The following DNER variants were observed in gnomAD, a reference collection of about 807,000 sequenced individuals.
DNER encodes the protein delta and Notch-like epidermal growth factor-related receptor.
A neutral mutation model predicts 78.2 loss-of-function variants in DNER; 33 were observed. The observed-to-expected ratio is 0.42, with a 90% CI of 0.32 to 0.56. DNER has a LOEUF of 0.56. Among genes scored for constraint, DNER ranks in the 20% least tolerant of loss-of-function variants. The probability of loss-of-function intolerance (pLI) is 0.11; values close to 1 mark genes in which losing one functional copy is unlikely to be tolerated. For missense variants in DNER, 918 were observed against 975.3 expected, an observed-to-expected ratio of 0.94 and a Z score of 0.78; for synonymous variants, 417 against 384.8, an observed-to-expected ratio of 1.08 and a Z score of -0.98.
At chr2:229,398,752 T>C (rs1693203156) in intron 10 of DNER, among the ~76,000 whole-genome samples, 1 of 152,084 alleles carries the variant, frequency 6.6e-6, no homozygotes, top group Non-Finnish European at 1.5e-5. Flanking sequence ...TTATACACTA[T>C]GACCAGGTGG....
intron 7 of DNER, among the ~76,000 whole-genome samples, chr2:229,469,717 C>T (rs1391001134): frequency 2.0e-5 from 3 of 152,100 alleles, no homozygotes; most frequent in East Asian, 1.9e-4. Flanking sequence ...CCAAGGCAGG[C>T]GGATCACCTG....
At chr2:229,480,974 G>A (rs778410672) in intron 6 of DNER, among the ~76,000 whole-genome samples, 26 of 152,216 alleles carry the variant, frequency 1.7e-4, no homozygotes, top group Non-Finnish European at 3.8e-4. Context: ...GAGGAGCATG[G>A]ACTGGGGTGT....
chr2:229,428,074 CAAAA>C (rs11358575), intron 8 of DNER, among the ~76,000 whole-genome samples: 3 of 93,190 alleles, frequency 3.2e-5, no homozygotes, highest in Admixed American at 1.1e-4. Context: ...GATTCCATCT[CAAAA>C]AAAAAAAAAA....
rs183972324 is a variant in DNER at position 229,524,641 on chromosome 2, C to T, written c.994-11705G>A. The stretch of plus-strand genomic sequence containing the variant: ...GGGGTAAGATCCCCAAACCCCATCC[C>T]CCAGTCTCTTTTTTTCCATTAAGAT... On this transcript the variant is annotated intron_variant, in intron 5 of 12. Coordinates refer to ENST00000341772, the MANE Select transcript of DNER (RefSeq NM_139072.4). 3.7e-4 allele frequency among the ~76,000 whole-genome samples: 56 copies of T among 152,260 alleles called. No homozygotes were observed. In the East Asian group the frequency reaches 8.9e-3, roughly 24 times the overall value.
chr2:229,407,443 G>A (rs1031193631), intron 9 of DNER, 98 bp from the exon 10 acceptor site: 7 of 1,035,688 alleles, frequency 6.8e-6, no homozygotes, highest in African/African-American at 1.6e-5. Flanking sequence ...CAATGCGAGG[G>A]AGATTCCCAG....
At chr2:229,388,184 G>A (rs112272021) in intron 11 of DNER, 81 bp downstream of exon 11, 26 of 1,505,808 alleles carry the variant, frequency 1.7e-5, no homozygotes, top group Middle Eastern at 1.8e-4. Context: ...GGTCACAGTC[G>A]GCATCTTCTT....
chr2:229,366,461 A>C (rs549129290), intron 12 of DNER, among the ~76,000 whole-genome samples: 102 of 152,358 alleles, frequency 6.7e-4, no homozygotes, highest in African/African-American at 2.4e-3. Context: ...AAAAGTAGAA[A>C]GATAGCTCTT....
intron 1 of DNER, among the ~76,000 whole-genome samples, chr2:229,710,392 C>G (rs1374756932): frequency 6.6e-6 from 1 of 152,224 alleles, no homozygotes; most frequent in Non-Finnish European, 1.5e-5. Context: ...GGCTCAAATT[C>G]CAGTTCCAGT....
chr2:229,507,518 C>G (rs1695770265), intron 6 of DNER, among the ~76,000 whole-genome samples: 1 of 152,142 alleles, frequency 6.6e-6, no homozygotes, highest in African/African-American at 2.4e-5. Flanking sequence ...AATTTCAAAT[C>G]AATGGTTTAA....
chr2:229,588,571 A>AC, intron 2 of DNER, 83 bp from the exon 3 acceptor site: 1 of 1,213,578 alleles, frequency 8.2e-7, no homozygotes, highest in Non-Finnish European at 1.2e-6. Context: ...TCCATGCTGA[A>AC]TTTCCTTCAT....
chr2:229,472,444 A>G (rs926061443), intron 7 of DNER, among the ~76,000 whole-genome samples: 1 of 152,172 alleles, frequency 6.6e-6, no homozygotes, highest in Non-Finnish European at 1.5e-5. Context: ...TGGGTATTCT[A>G]CTTCAAATTC....
chr2:229,584,480 A>T (rs1460454703), intron 4 of DNER, among the ~76,000 whole-genome samples: 1 of 152,176 alleles, frequency 6.6e-6, no homozygotes, highest in East Asian at 1.9e-4. Context: ...CCCCAAAGGT[A>T]CTATATGCTG....
At chr2:229,565,126 C>T (rs956710970) in intron 4 of DNER, among the ~76,000 whole-genome samples, 1 of 152,122 alleles carries the variant, frequency 6.6e-6, no homozygotes, top group African/African-American at 2.4e-5. Context: ...GAAATAAACA[C>T]TCAATGTACG....
At chr2:229,500,506 C>T (rs1347874825) in intron 6 of DNER, among the ~76,000 whole-genome samples, 1 of 152,122 alleles carries the variant, frequency 6.6e-6, no homozygotes, top group Non-Finnish European at 1.5e-5. Context: ...AGAACTACTG[C>T]ATGATGCAGT....
intron 6 of DNER, among the ~76,000 whole-genome samples, chr2:229,480,707 G>A (rs938650698): frequency 2.0e-5 from 3 of 152,190 alleles, no homozygotes. Flanking sequence ...ACTTGAGATG[G>A]CCTAATATAT....
rs1378287696 is a variant in DNER at position 229,393,852 on chromosome 2, AAAAACAAAAAC to A, written c.1724-5467_1724-5457del. Reference sequence around the variant, plus strand: ...ACAGAGCGAGACTCCGTCTCAAAACAAAAACAAAAACAAAAACAAAAACAAAAACTAAGCAG... The same window carrying A: ...ACAGAGCGAGACTCCGTCTCAAAACAAAAAACAAAAACAAAAACTAAGCAG... On this transcript the variant is annotated intron_variant, in intron 10 of 12. Coordinates refer to ENST00000341772, the MANE Select transcript of DNER (RefSeq NM_139072.4). Among the ~76,000 whole-genome samples, 52 of 120,038 alleles carry A rather than the reference AAAAACAAAAAC, an allele frequency of 4.3e-4. 1 individual carries two copies. Among genetic ancestry groups the A allele is most frequent in the African/African-American group, 1.9e-3 (48 of 25,286 alleles). The allele number at this position is 120,038 out of a possible 152,430, so 78.7% of individuals were successfully genotyped here.
At chr2:229,401,866 A>G (rs1693275542) in intron 10 of DNER, among the ~76,000 whole-genome samples, 1 of 152,178 alleles carries the variant, frequency 6.6e-6, no homozygotes, top group African/African-American at 2.4e-5. Context: ...AGACCCATAT[A>G]TAATCAATTG....
chr2:229,416,769 C>T (rs1261054880), intron 9 of DNER, among the ~76,000 whole-genome samples: 1 of 152,118 alleles, frequency 6.6e-6, no homozygotes, highest in Non-Finnish European at 1.5e-5. Flanking sequence ...TCTTGAGACC[C>T]CAAATCTTCA....
chr2:229,665,500 A>G (rs1699076328), intron 1 of DNER, among the ~76,000 whole-genome samples: 1 of 152,230 alleles, frequency 6.6e-6, no homozygotes, highest in African/African-American at 2.4e-5. Flanking sequence ...AATTATCTAA[A>G]GCATCTATTA....
Sources: allele counts gnomAD v4.1 joint callset (sites outside exome capture counted in the v4.1 genomes callset), GRCh38; gene constraint gnomAD v4.1.1; transcripts MANE v1.5; gene names NCBI Gene and HGNC (gene_info 2026-07-23, HGNC 2026-07-21).